The following KDM4B variants were observed in gnomAD, a reference collection of about 807,000 sequenced individuals.
KDM4B encodes lysine demethylase 4B.
In KDM4B, 32 loss-of-function variants were observed where a neutral mutation model predicts 125.2. That is an observed-to-expected ratio of 0.26 (90% CI 0.19 to 0.34). The LOEUF is 0.34. Among genes scored for constraint, KDM4B ranks in the 10% least tolerant of loss-of-function variants. The pLI, the probability that KDM4B is intolerant of heterozygous loss-of-function variation, is 1.00. For missense variants in KDM4B, 1,190 were observed against 1,577.7 expected, an observed-to-expected ratio of 0.75 and a Z score of 4.16; for synonymous variants, 721 against 677.9, an observed-to-expected ratio of 1.06 and a Z score of -0.99.
At chr19:5,090,375 T>TCC (rs1361804769) in intron 9 of KDM4B, among the ~76,000 whole-genome samples, 1 of 59,342 alleles carries the variant, frequency 1.7e-5, no homozygotes, top group African/African-American at 7.8e-5. Flanking sequence ...CATCTCTCTC[T>TCC]CCCCCCATAT....
At chr19:5,098,113 G>A (rs529059903) in intron 9 of KDM4B, among the ~76,000 whole-genome samples, 2 of 152,338 alleles carry the variant, frequency 1.3e-5, no homozygotes, top group Non-Finnish European at 2.9e-5. Flanking sequence ...GGCCAGGGCT[G>A]GTGGCCAAGG....
chr19:5,146,880 G>T (rs535785078), intron 21 of KDM4B, among the ~76,000 whole-genome samples: 2 of 138,246 alleles, frequency 1.4e-5, no homozygotes, highest in South Asian at 2.5e-4. Flanking sequence ...GGTCGAGGAT[G>T]CAGTGAGCTG....
At chr19:5,063,435 A>C (rs1403227515) in intron 6 of KDM4B, among the ~76,000 whole-genome samples, 2 of 152,140 alleles carry the variant, frequency 1.3e-5, no homozygotes, top group Non-Finnish European at 1.5e-5. Context: ...CTTGCCAACC[A>C]TGTGTGTACA....
rs36115996 is a variant in KDM4B, at chr19:5,096,086, CT to C, written c.918+13599del. ...AGGGCCGGTGTACAGTGTGGGGAAT[CT>C]TTTTTTTTTTTTTTTTGAGGTGGAG... is the stretch of plus-strand genomic sequence containing the variant. On this transcript the variant is annotated intron_variant, in intron 9 of 22. Coordinates refer to ENST00000159111, the MANE Select transcript of KDM4B (RefSeq NM_015015.3). 6.7e-3 allele frequency among the ~76,000 whole-genome samples: 919 copies of C among 136,580 alleles called. 6 individuals carry two copies. Among genetic ancestry groups the C allele is most frequent in the African/African-American group, 0.011 (422 of 37,364 alleles). The allele number at this position is 136,580 out of a possible 152,430, so 89.6% of individuals were successfully genotyped here.
In KDM4B at chr19:5,082,405, C is replaced by T. The variant is rs750435806; in HGVS notation, c.819C>T (p.Pro273=). 1.9e-6 allele frequency: 3 copies of T among 1,613,678 alleles called. No homozygotes were observed. The highest frequency in any genetic ancestry group is 2.5e-6 in the Non-Finnish European group (3 of 1,179,988). Residue 273 remains proline, a synonymous_variant, in exon 9 of 23, where the codon CCC becomes CCT. Transcript: ENST00000159111. The surrounding 1 kb of genome is among the most constrained non-coding windows in gnomAD (Gnocchi z 5.4). ...CCGGGGAATTCATGATCACATTTCC[C>T]TACGGCTACCACGCCGGCTTCAATC... ...QEAGEFMITF[P]YGYHAGFNHG... is the part of the protein sequence containing the mutation.
intron 11 of KDM4B, among the ~76,000 whole-genome samples, chr19:5,128,904 G>A (rs2146046798): frequency 6.6e-6 from 1 of 152,030 alleles, no homozygotes; most frequent in Non-Finnish European, 1.5e-5. Flanking sequence ...GATACCAGCG[G>A]AGGGGAAGAC....
intron 1 of KDM4B, among the ~76,000 whole-genome samples, chr19:5,009,489 T>C (rs1305822225): frequency 6.6e-6 from 1 of 152,168 alleles, no homozygotes; most frequent in Non-Finnish European, 1.5e-5. Flanking sequence ...ACGGCCTGAC[T>C]CTCCTCTTCC....
intron 1 of KDM4B, among the ~76,000 whole-genome samples, chr19:4,979,719 C>T (rs1424861756): frequency 6.6e-6 from 1 of 152,244 alleles, no homozygotes; most frequent in Non-Finnish European, 1.5e-5. Flanking sequence ...TTTTCTAGGA[C>T]AGCCTCCCTT....
At chr19:5,044,943 C>A (rs564288916) in intron 5 of KDM4B, among the ~76,000 whole-genome samples, 1 of 152,158 alleles carries the variant, frequency 6.6e-6, no homozygotes, top group Non-Finnish European at 1.5e-5. Context: ...TTCTTTTCAG[C>A]GCTGAATAAT....
intron 6 of KDM4B, 97 bp from the exon 7 acceptor site, chr19:5,070,913 G>A (rs759843992): frequency 2.1e-4 from 264 of 1,281,170 alleles, no homozygotes; most frequent in Middle Eastern, 5.6e-4. Flanking sequence ...TCTGCCCTGG[G>A]CACTGTCTGC....
At chr19:5,022,022 G>A (rs1226670181) in intron 2 of KDM4B, among the ~76,000 whole-genome samples, 2 of 152,140 alleles carry the variant, frequency 1.3e-5, no homozygotes, top group Non-Finnish European at 2.9e-5. Flanking sequence ...ATGTGTGATC[G>A]TCCGTTTGTT....
rs763344946 is a variant in KDM4B, at chr19:5,131,207, T to A, written c.1447T>A (p.Ser483Thr). ...CTCAGAGGAGGCGCTGTGGCTGCCA[T>A]CCCCACTGGAGCCCCCGGTGCTGGG... ...FPSEEALWLP[S>T]PLEPPVLGPG... Residue 483 changes from serine (S) to threonine (T), a missense_variant, in exon 12 of 23, where the codon TCC (serine) becomes ACC (threonine). Ser to Thr is a moderately conservative substitution (Grantham distance 58, BLOSUM62 1). Around this residue, in one of 7 missense-constraint regions of KDM4B, gnomAD observed 428 missense variants for 405.1 expected, o/e 1.06. Coordinates refer to ENST00000159111, the MANE Select transcript of KDM4B (RefSeq NM_015015.3). The A allele has an allele frequency of 1.9e-6, 3 of 1,605,022 alleles. No individual in the cohort carries two copies. Among genetic ancestry groups the A allele is most frequent in the Non-Finnish European group, 2.6e-6 (3 of 1,176,328 alleles).
At chr19:5,034,649 C>T (rs998259672) in intron 3 of KDM4B, among the ~76,000 whole-genome samples, 5 of 152,146 alleles carry the variant, frequency 3.3e-5, no homozygotes, top group African/African-American at 1.2e-4. Flanking sequence ...CTTTCCGGGC[C>T]GCCTCCACCC....
chr19:5,117,801 C>T (rs992930090), intron 10 of KDM4B, among the ~76,000 whole-genome samples: 1 of 152,166 alleles, frequency 6.6e-6, no homozygotes, highest in Non-Finnish European at 1.5e-5. Context: ...CCGCAGCGAC[C>T]TTGTGTGCAC....
At chr19:5,108,461 T>C (rs1245784336) in intron 9 of KDM4B, among the ~76,000 whole-genome samples, 3 of 152,254 alleles carry the variant, frequency 2.0e-5, no homozygotes, top group Non-Finnish European at 2.9e-5. Flanking sequence ...GAAGGTTCCA[T>C]GGCCCCCCTG....
At chr19:5,084,497 T>A (rs2038414241) in intron 9 of KDM4B, among the ~76,000 whole-genome samples, 1 of 123,212 alleles carries the variant, frequency 8.1e-6, no homozygotes, top group Non-Finnish European at 1.6e-5. Flanking sequence ...ATGTTATAAT[T>A]TATATATTAT....
At chr19:5,148,356 G>A (rs2039887301) in intron 21 of KDM4B, among the ~76,000 whole-genome samples, 1 of 152,164 alleles carries the variant, frequency 6.6e-6, no homozygotes, top group East Asian at 1.9e-4. Flanking sequence ...AGTTTCCCTG[G>A]AGCCCACTTG....
chr19:5,153,110 G>C lies in KDM4B; in HGVS notation c.*1599G>C, dbSNP rs2146133530. On this transcript the variant is annotated 3_prime_UTR_variant, in exon 23 of 23. Transcript: ENST00000159111. ...GTCCTAACAGTCCCCGGGCTAGAGA[G>C]GACTAAGGAAAACAGAGAGAGTGTT... 1 of 152,056 alleles carries C rather than the reference G, an allele frequency of 6.6e-6. No homozygotes were observed. Among genetic ancestry groups the C allele is most frequent in the Non-Finnish European group, 1.5e-5 (1 of 67,996 alleles). The allele number at this position is 152,056 out of a possible 1,614,324, so 9.4% of individuals were successfully genotyped here.
At chr19:5,120,455 C>G (rs932252861) in intron 11 of KDM4B, among the ~76,000 whole-genome samples, 2 of 152,154 alleles carry the variant, frequency 1.3e-5, no homozygotes, top group Admixed American at 1.3e-4. Flanking sequence ...CAGCAGGTCT[C>G]CCACCTGCCC....
Sources: allele counts gnomAD v4.1 joint callset (sites outside exome capture counted in the v4.1 genomes callset), GRCh38; gene constraint gnomAD v4.1.1; regional missense constraint gnomAD v4.1.1; non-coding constraint Gnocchi (gnomAD v3.1); transcripts MANE v1.5; gene names NCBI Gene and HGNC (gene_info 2026-07-23, HGNC 2026-07-21).